RTN1: variants seen among roughly 807,000 people sequenced by gnomAD.
RTN1 encodes reticulon 1.
Under a neutral mutation model 65.5 loss-of-function variants are expected in RTN1, and 25 were observed. The observed-to-expected ratio is 0.38, with a 90% confidence interval of 0.28 to 0.53. RTN1 has a LOEUF of 0.53. Among genes scored for constraint, RTN1 ranks in the 20% least tolerant of loss-of-function variants. RTN1 has a pLI of 0.79. For synonymous variants in RTN1, 471 were observed against 447.6 expected, an observed-to-expected ratio of 1.05 and a Z score of -0.66; for missense variants, 983 against 1,025.4, an observed-to-expected ratio of 0.96 and a Z score of 0.57.
chr14:59,856,612 C>T (rs957245407), intron 1 of RTN1, among the ~76,000 whole-genome samples: 3 of 152,298 alleles, frequency 2.0e-5, no homozygotes, highest in East Asian at 1.9e-4. Context: ...ACTCCTACTG[C>T]CCTCCTCCAA....
chr14:59,763,098 G>C (rs1199299548), intron 1 of RTN1, among the ~76,000 whole-genome samples: 1 of 152,114 alleles, frequency 6.6e-6, no homozygotes, highest in African/African-American at 2.4e-5. Flanking sequence ...ATATCATTTG[G>C]TAGACTCAAA....
chr14:59,613,481 G>A (rs1339258360), intron 3 of RTN1, among the ~76,000 whole-genome samples: 1 of 152,040 alleles, frequency 6.6e-6, no homozygotes, highest in Non-Finnish European at 1.5e-5. Flanking sequence ...TGTATTTGTA[G>A]TAGAGATGGG....
chr14:59,619,552 G>C (rs911256456), intron 3 of RTN1, among the ~76,000 whole-genome samples: 1 of 152,146 alleles, frequency 6.6e-6, no homozygotes, highest in African/African-American at 2.4e-5. Context: ...CTAAAATTTA[G>C]TACAGGGGGC....
intron 1 of RTN1, among the ~76,000 whole-genome samples, chr14:59,823,452 T>C (rs1368355847): frequency 2.0e-5 from 3 of 152,158 alleles, no homozygotes; most frequent in Non-Finnish European, 4.4e-5. Flanking sequence ...TTCATTTCCA[T>C]GTTTAGCACT....
At chr14:59,663,529 A>C (rs1291470604) in intron 3 of RTN1, among the ~76,000 whole-genome samples, 1 of 152,190 alleles carries the variant, frequency 6.6e-6, no homozygotes, top group African/African-American at 2.4e-5. Context: ...AGAAACTATC[A>C]TCAGTGTGAA....
intron 3 of RTN1, among the ~76,000 whole-genome samples, chr14:59,646,680 T>G (rs565287005): frequency 2.0e-5 from 3 of 152,240 alleles, no homozygotes; most frequent in Non-Finnish European, 4.4e-5. Context: ...GAATTTCATA[T>G]CCAGCCAAAC....
intron 1 of RTN1, among the ~76,000 whole-genome samples, chr14:59,802,632 CA>C (rs1374097501): frequency 1.3e-5 from 2 of 152,090 alleles, no homozygotes; most frequent in African/African-American, 4.8e-5. Flanking sequence ...CTATATTTAG[CA>C]GTTAAGATTT....
chr14:59,603,894 A>T lies in RTN1; in HGVS notation c.2140T>A (p.Tyr714Asn), dbSNP rs758517549. ...AGGCCATTGAAGAGAGCGCCAACGT[A>T]GGTCAGGAGCCACATCAGGACTGCA... ...KFAVLMWLLT[Y>N]VGALFNGLTL... is the part of the protein sequence containing the mutation. The change falls in exon 6 of 9, where the codon TAC becomes AAC. Residue 714 changes from tyrosine (Y) to asparagine (N), a missense_variant. By Grantham distance (143) the Tyr-to-Asn change is moderately radical (BLOSUM62 -2). Around this residue, in one of 2 missense-constraint regions of RTN1, gnomAD observed 165 missense variants for 223.6 expected, o/e 0.74. Transcript: ENST00000267484. 5 of 1,612,076 alleles carry T rather than the reference A, an allele frequency of 3.1e-6. No homozygotes were observed. The highest frequency in any genetic ancestry group is 4.2e-6 in the Non-Finnish European group (5 of 1,178,488).
In RTN1 at chr14:59,638,011, C is replaced by T. The variant is rs183512110; in HGVS notation, c.1766-30519G>A. Among the ~76,000 whole-genome samples the T allele has an allele frequency of 9.1e-4, 139 of 152,110 alleles. 1 individual carries two copies. In the East Asian group the frequency reaches 0.014, roughly 16 times the overall value. On this transcript the variant is annotated intron_variant, in intron 3 of 8. Coordinates refer to ENST00000267484, the MANE Select transcript of RTN1 (RefSeq NM_021136.3). ...GGACTACAAGCACCTGCCACCACGC[C>T]CAGCTAATTTTGGTATTTTTAGTAG...
At chr14:59,634,363 T>A (rs1301482701) in intron 3 of RTN1, among the ~76,000 whole-genome samples, 1 of 152,162 alleles carries the variant, frequency 6.6e-6, no homozygotes, top group Non-Finnish European at 1.5e-5. Flanking sequence ...TTCATTATGA[T>A]CAAAGAACAC....
rs78042531 is a variant in RTN1 at position 59,655,759 on chromosome 14, C to A, written c.1766-48267G>T. ...TGTATTTTCAACAGCAGTGTATTTT[C>A]AACAACAGTCCTGGGACGACTGGAT... On this transcript the variant is annotated intron_variant, in intron 3 of 8. Coordinates refer to ENST00000267484, the MANE Select transcript of RTN1 (RefSeq NM_021136.3). Among the ~76,000 whole-genome samples the A allele has an allele frequency of 8.5e-3, 1,302 of 152,290 alleles. 23 individuals are homozygous for A. Among genetic ancestry groups the A allele is most frequent in the African/African-American group, 0.03 (1,234 of 41,558 alleles).
intron 1 of RTN1, among the ~76,000 whole-genome samples, chr14:59,776,897 G>C (rs527299371): frequency 2.0e-5 from 3 of 152,288 alleles, no homozygotes; most frequent in South Asian, 4.1e-4. Context: ...TCAGAACTCA[G>C]AGGGACATGA....
chr14:59,807,300 T>G (rs1268961165), intron 1 of RTN1, among the ~76,000 whole-genome samples: 1 of 152,158 alleles, frequency 6.6e-6, no homozygotes, highest in Non-Finnish European at 1.5e-5. Flanking sequence ...TAGATGCAAT[T>G]CTATAGGTCG....
chr14:59,725,315 T>C (rs1193422542), intron 3 of RTN1, among the ~76,000 whole-genome samples: 1 of 152,228 alleles, frequency 6.6e-6, no homozygotes, highest in Non-Finnish European at 1.5e-5. Flanking sequence ...ACACGGTGAC[T>C]ATCTCAGGAA....
rs1885345298 is a variant in RTN1, at chr14:59,749,396, A to ATATATATC, written c.242-2923_242-2916dup. Among the ~76,000 whole-genome samples the ATATATATC allele has an allele frequency of 1.5e-4, 11 of 70,994 alleles. 1 individual carries two copies. The highest frequency in any genetic ancestry group is 1.1e-3 in the African/African-American group (11 of 10,176). The allele number at this position is 70,994 out of a possible 152,430, so 46.6% of individuals were successfully genotyped here. A position where few individuals can be genotyped will look rare whatever the true frequency, so the allele number is the denominator to read the frequency against. ...TATATATCTATATCTATATATATCT[A>ATATATATC]TATATATCTATATCTATATATATCT... is the stretch of plus-strand genomic sequence containing the variant. On this transcript the variant is annotated intron_variant, in intron 1 of 8. Transcript: ENST00000267484.
chr14:59,762,356 T>C (rs1885766834), intron 1 of RTN1, among the ~76,000 whole-genome samples: 1 of 152,214 alleles, frequency 6.6e-6, no homozygotes, highest in Non-Finnish European at 1.5e-5. Flanking sequence ...GCTCACTATG[T>C]GCTAAATGAG....
At chr14:59,615,625 T>C (rs921364823) in intron 3 of RTN1, among the ~76,000 whole-genome samples, 1 of 152,182 alleles carries the variant, frequency 6.6e-6, no homozygotes, top group African/African-American at 2.4e-5. Flanking sequence ...GTCAAACTAA[T>C]TAAAACTGAA....
intron 1 of RTN1, among the ~76,000 whole-genome samples, chr14:59,750,076 AT>A (rs1885417888): frequency 1.2e-5 from 1 of 81,470 alleles, no homozygotes; most frequent in Non-Finnish European, 2.1e-5. Flanking sequence ...TATATATTAT[AT>A]ATTATAGACA....
At chr14:59,851,957 A>G (rs1165350417) in intron 1 of RTN1, among the ~76,000 whole-genome samples, 1 of 152,128 alleles carries the variant, frequency 6.6e-6, no homozygotes, top group African/African-American at 2.4e-5. Context: ...AATACTGTAC[A>G]ATTTCTAGAA....
Sources: allele counts gnomAD v4.1 joint callset (sites outside exome capture counted in the v4.1 genomes callset), GRCh38; gene constraint gnomAD v4.1.1; regional missense constraint gnomAD v4.1.1; transcripts MANE v1.5; gene names NCBI Gene and HGNC (gene_info 2026-07-23, HGNC 2026-07-21).